The following MPHOSPH9 variants were observed in gnomAD, a reference collection of about 807,000 sequenced individuals.
MPHOSPH9 encodes the protein M-phase phosphoprotein 9.
MPHOSPH9 carries 88 observed loss-of-function variants against 145.5 expected under a neutral mutation model. That is an observed-to-expected ratio of 0.60 (90% CI 0.51 to 0.72). The LOEUF (loss-of-function observed/expected upper bound fraction) is 0.72. Among genes scored for constraint, MPHOSPH9 ranks in the 30% least tolerant of loss-of-function variants. MPHOSPH9 has a pLI of 0.00. For synonymous variants in MPHOSPH9, 435 were observed against 486.2 expected, an observed-to-expected ratio of 0.89 and a Z score of 1.39; for missense variants, 1,238 against 1,386.6, an observed-to-expected ratio of 0.89 and a Z score of 1.70.
At position 123,193,091 on chromosome 12, in the gene MPHOSPH9, A is replaced by AT. The variant is rs1460215084; in HGVS notation, c.2241+1294_2241+1295insA. Among the ~76,000 whole-genome samples the AT allele has an allele frequency of 1.1e-3, 39 of 35,550 alleles. 1 individual carries two copies. Among genetic ancestry groups the AT allele is most frequent in the African/African-American group, 2.3e-3 (39 of 17,088 alleles). 23.3% of individuals were successfully genotyped at this position (35,550 alleles called of 152,430 possible). A position where few individuals can be genotyped will look rare whatever the true frequency, so the allele number is the denominator to read the frequency against. ...TCTTTCAAAAAAAAAAAAAAAAAAA[A>AT]AAAAAATATATATATATACACACAC... On this transcript the variant is annotated intron_variant, in intron 13 of 23. Coordinates refer to ENST00000606320, the MANE Select transcript of MPHOSPH9 (RefSeq NM_022782.4).
intron 18 of MPHOSPH9, 41 bp from the exon 19 acceptor site, chr12:123,164,131 A>G (rs1412788168): frequency 1.9e-6 from 3 of 1,612,366 alleles, no homozygotes; most frequent in Non-Finnish European, 2.5e-6. Context: ...AAACAAATCA[A>G]AACAAGCCTA....
chr12:123,157,030 C>G (rs2043895462), intron 23 of MPHOSPH9, 122 bp from the exon 24 acceptor site: 1 of 599,228 alleles, frequency 1.7e-6, no homozygotes, highest in African/African-American at 1.8e-5. Context: ...AATTATTTTG[C>G]TTTCTACACG....
chr12:123,196,272 C>T (rs75648402), intron 12 of MPHOSPH9, among the ~76,000 whole-genome samples: 7,194 of 151,970 alleles, frequency 0.047, 315 homozygotes, highest in East Asian at 0.27. Context: ...ATCCCTTGAA[C>T]CAGGGAGATG....
chr12:123,215,756 C>A (rs925529101), intron 6 of MPHOSPH9, among the ~76,000 whole-genome samples: 2 of 152,088 alleles, frequency 1.3e-5, no homozygotes, highest in African/African-American at 2.4e-5. Context: ...TTATCAGGTC[C>A]CTCATGAAAC....
chr12:123,215,661 C>T (rs1159729480), intron 6 of MPHOSPH9, among the ~76,000 whole-genome samples: 1 of 152,116 alleles, frequency 6.6e-6, no homozygotes, highest in Admixed American at 6.6e-5. Context: ...AAATTCTGAA[C>T]AAATCAATCC....
chr12:123,177,786 T>C (rs1163798625), intron 15 of MPHOSPH9, among the ~76,000 whole-genome samples: 2 of 150,906 alleles, frequency 1.3e-5, no homozygotes, highest in African/African-American at 2.5e-5. Context: ...ATGCATACAA[T>C]AGGTAACACT....
intron 6 of MPHOSPH9, among the ~76,000 whole-genome samples, chr12:123,215,241 CA>C (rs1025390230): frequency 6.8e-6 from 1 of 148,124 alleles, no homozygotes. Context: ...GACTCTGTCT[CA>C]AAAAAAAAGA....
Position 123,163,934 on chromosome 12 carries a change from C to T in MPHOSPH9, c.2908+16G>A, listed in dbSNP as rs2044208337. 1.2e-6 allele frequency: 2 copies of T among 1,613,582 alleles called. No individual in the cohort carries two copies. Among genetic ancestry groups the T allele is most frequent in the East Asian group, 2.2e-5 (1 of 44,862 alleles). On this transcript the variant is annotated intron_variant, in intron 19 of 23. Coordinates refer to ENST00000606320, the MANE Select transcript of MPHOSPH9 (RefSeq NM_022782.4). Reference sequence around the variant, plus strand: ...CACGCTTTTGAACCCAAGAGATGTACACATCTAACTCTTACTTGGAGTACT... The same window carrying T: ...CACGCTTTTGAACCCAAGAGATGTATACATCTAACTCTTACTTGGAGTACT...
intron 18 of MPHOSPH9, among the ~76,000 whole-genome samples, chr12:123,164,658 T>C (rs1482404778): frequency 6.6e-6 from 1 of 152,206 alleles, no homozygotes; most frequent in Non-Finnish European, 1.5e-5. Context: ...GCAAGTAAGA[T>C]GGACTGACAG....
chr12:123,183,001 G>A (rs1021214934), intron 13 of MPHOSPH9, among the ~76,000 whole-genome samples: 64 of 151,398 alleles, frequency 4.2e-4, no homozygotes, highest in African/African-American at 1.5e-3. Context: ...ATCACTTGAG[G>A]TCAGGAGTTC....
intron 1 of MPHOSPH9, chr12:123,240,651 C>A (rs1350896631): frequency 6.7e-6 from 1 of 149,214 alleles, no homozygotes; most frequent in Admixed American, 6.7e-5. Flanking sequence ...AGATAAATGG[C>A]GTCCAGAAGG....
intron 1 of MPHOSPH9, chr12:123,240,770 G>C (rs766582008): frequency 9.2e-6 from 1 of 109,244 alleles, no homozygotes; most frequent in Non-Finnish European, 1.7e-5. Context: ...GTCTCACTCT[G>C]TACCCCAGGC....
chr12:123,211,684 C>CTTTTTTTTTTTTTTTTTTTTTTTTTTTT (rs147321517), intron 7 of MPHOSPH9, among the ~76,000 whole-genome samples: 1 of 67,756 alleles, frequency 1.5e-5, no homozygotes, highest in Non-Finnish European at 3.1e-5. Flanking sequence ...TAGACAATTT[C>CTTTTTTTTTTTTTTTTTTTTTTTTTTTT]TTTTTTTTTT....
intron 13 of MPHOSPH9, among the ~76,000 whole-genome samples, chr12:123,188,203 A>C (rs1311314486): frequency 2.0e-5 from 3 of 152,190 alleles, no homozygotes; most frequent in Non-Finnish European, 4.4e-5. Context: ...AATACGTATA[A>C]CCATTTCCTC....
At chr12:123,229,361 A>C (rs995758607) in intron 2 of MPHOSPH9, among the ~76,000 whole-genome samples, 1 of 152,236 alleles carries the variant, frequency 6.6e-6, no homozygotes, top group African/African-American at 2.4e-5. Flanking sequence ...GGCTCTGATG[A>C]AAAACAAACC....
chr12:123,202,572 A>G, intron 10 of MPHOSPH9, 52 bp downstream of exon 10: 1 of 1,488,302 alleles, frequency 6.7e-7, no homozygotes, highest in South Asian at 1.2e-5. Flanking sequence ...ATTTTCAATC[A>G]GATATCACAG....
chr12:123,239,105 C>CA (rs2047892399), intron 1 of MPHOSPH9, among the ~76,000 whole-genome samples: 1 of 152,104 alleles, frequency 6.6e-6, no homozygotes, highest in Non-Finnish European at 1.5e-5. Flanking sequence ...CCCGTCTCTA[C>CA]AAAAAATCCA....
chr12:123,194,653 G>T, intron 12 of MPHOSPH9, 52 bp from the exon 13 acceptor site: 1 of 1,286,250 alleles, frequency 7.8e-7, no homozygotes, highest in Non-Finnish European at 1.0e-6. Context: ...ATGGAGTCTC[G>T]CTCTGTTGCC....
intron 7 of MPHOSPH9, among the ~76,000 whole-genome samples, chr12:123,210,712 T>C (rs2138456665): frequency 6.6e-6 from 1 of 151,754 alleles, no homozygotes; most frequent in Admixed American, 6.6e-5. Context: ...ATTAAAATAA[T>C]AATAATAAAA....
Sources: gnomAD v4.1 joint callset for allele counts (sites outside exome capture counted in the v4.1 genomes callset) on GRCh38, gnomAD v4.1.1 for gene constraint, MANE v1.5 for transcripts, NCBI Gene and HGNC (gene_info 2026-07-23, HGNC 2026-07-21) for gene names.